Variants in PKNOX2 observed in about 807,000 individuals in gnomAD.
The protein encoded by PKNOX2 is PBX/knotted 1 homeobox 2.
A neutral mutation model predicts 53.1 loss-of-function variants in PKNOX2; 14 were observed. That is an observed-to-expected ratio of 0.26 (90% CI 0.17 to 0.41). The LOEUF (loss-of-function observed/expected upper bound fraction) is 0.41, where lower values mean the gene tolerates loss of function less well. Among genes scored for constraint, PKNOX2 ranks in the 10% least tolerant of loss-of-function variants. The pLI is 1.00. For missense variants in PKNOX2, 496 were observed against 602.8 expected, an observed-to-expected ratio of 0.82 and a Z score of 1.85; for synonymous variants, 257 against 242.8, an observed-to-expected ratio of 1.06 and a Z score of -0.54.
intron 3 of PKNOX2, among the ~76,000 whole-genome samples, chr11:125,338,470 TGGGG>T (rs1950530331): frequency 6.6e-6 from 1 of 152,166 alleles, no homozygotes; most frequent in African/African-American, 2.4e-5. Flanking sequence ...CTTGTGCCCT[TGGGG>T]AGTCATCTTA....
intron 1 of PKNOX2, among the ~76,000 whole-genome samples, chr11:125,222,222 T>G (rs371821669): frequency 1.3e-5 from 2 of 152,182 alleles, no homozygotes; most frequent in Non-Finnish European, 1.5e-5. Flanking sequence ...GATGGGTCTT[T>G]CCTCATCCTG....
At chr11:125,377,642 C>G (rs1201046181) in intron 5 of PKNOX2, among the ~76,000 whole-genome samples, 11 of 152,184 alleles carry the variant, frequency 7.2e-5, no homozygotes, top group Non-Finnish European at 2.9e-5. Context: ...TCTGCTGAGT[C>G]CTTTTACAGG....
intron 7 of PKNOX2, among the ~76,000 whole-genome samples, chr11:125,398,277 T>G (rs141751785): frequency 4.6e-5 from 7 of 152,324 alleles, no homozygotes; most frequent in African/African-American, 1.4e-4. Context: ...GCATTAGTAT[T>G]CCCTTGAAAA....
chr11:125,193,087 G>T (rs905284607), intron 1 of PKNOX2, among the ~76,000 whole-genome samples: 1 of 152,180 alleles, frequency 6.6e-6, no homozygotes, highest in African/African-American at 2.4e-5. Context: ...GACCTGTCTC[G>T]CTAGATAGAT....
At chr11:125,269,593 C>G (rs568598540) in intron 2 of PKNOX2, among the ~76,000 whole-genome samples, 12 of 152,298 alleles carry the variant, frequency 7.9e-5, no homozygotes, top group Non-Finnish European at 1.3e-4. Flanking sequence ...CTTGGACTCT[C>G]AGCTGTTTCT....
At chr11:125,276,235 C>T (rs983708619) in intron 2 of PKNOX2, among the ~76,000 whole-genome samples, 4 of 151,898 alleles carry the variant, frequency 2.6e-5, no homozygotes, top group African/African-American at 4.8e-5. Context: ...CTGATTGGGG[C>T]AGGTTGAGGA....
intron 1 of PKNOX2, among the ~76,000 whole-genome samples, chr11:125,211,674 C>A (rs1212739764): frequency 6.6e-6 from 1 of 152,096 alleles, no homozygotes; most frequent in Non-Finnish European, 1.5e-5. Context: ...AGCTCAGGCC[C>A]AGCTGCCCAG....
chr11:125,301,009 G>C (rs1009475448), intron 2 of PKNOX2, among the ~76,000 whole-genome samples: 1 of 152,098 alleles, frequency 6.6e-6, no homozygotes, highest in Non-Finnish European at 1.5e-5. Flanking sequence ...CTCTATCCTC[G>C]TCCCCTCCTC....
chr11:125,296,067 C>T (rs758367608), intron 2 of PKNOX2, among the ~76,000 whole-genome samples: 13 of 152,166 alleles, frequency 8.5e-5, no homozygotes, highest in South Asian at 2.1e-4. Flanking sequence ...TCAGAAACCT[C>T]GCCAGACTCA....
At chr11:125,204,606 C>T (rs652445) in intron 1 of PKNOX2, among the ~76,000 whole-genome samples, 72,897 of 152,040 alleles carry the variant, frequency 0.48, 17,943 homozygotes, top group Middle Eastern at 0.55. Context: ...AAGTCGATGG[C>T]TCTAATTCCA....
chr11:125,244,416 C>A (rs979507299), intron 2 of PKNOX2, among the ~76,000 whole-genome samples: 3 of 152,172 alleles, frequency 2.0e-5, no homozygotes, highest in African/African-American at 4.8e-5. Flanking sequence ...TATCCCCAAC[C>A]CTTCCAGATC....
intron 2 of PKNOX2, among the ~76,000 whole-genome samples, chr11:125,315,328 A>AAAAAAAAAAAAAAAC (rs1201379428): frequency 2.3e-4 from 33 of 144,840 alleles, no homozygotes; most frequent in African/African-American, 8.8e-4. Context: ...AAAAAAAAAA[A>AAAAAAAAAAAAAAAC]CACCTCTCTC....
chr11:125,202,434 C>G (rs1424180335), intron 1 of PKNOX2, among the ~76,000 whole-genome samples: 1 of 152,228 alleles, frequency 6.6e-6, no homozygotes, highest in Admixed American at 6.5e-5. Context: ...CCTCTCCCCT[C>G]AGACCCCATA....
chr11:125,200,819 T>C (rs1333944590), intron 1 of PKNOX2, among the ~76,000 whole-genome samples: 2 of 152,212 alleles, frequency 1.3e-5, no homozygotes, highest in East Asian at 3.8e-4. Flanking sequence ...GAGGAACGGT[T>C]AAGCAACTGA....
At chr11:125,355,088 G>A (rs1009200737) in intron 4 of PKNOX2, among the ~76,000 whole-genome samples, 6 of 152,032 alleles carry the variant, frequency 3.9e-5, no homozygotes, top group Non-Finnish European at 8.8e-5. Context: ...CCAACACGGT[G>A]AAACTCTGTC....
At chr11:125,288,549 C>T (rs1947070828) in intron 2 of PKNOX2, among the ~76,000 whole-genome samples, 3 of 152,350 alleles carry the variant, frequency 2.0e-5, no homozygotes, top group East Asian at 1.9e-4. Context: ...CATGGCCCAT[C>T]GGCCCTGCAA....
chr11:125,348,404 T>G (rs1951109532), intron 3 of PKNOX2, among the ~76,000 whole-genome samples: 1 of 152,228 alleles, frequency 6.6e-6, no homozygotes, highest in Non-Finnish European at 1.5e-5. Context: ...CCTGTTCTCT[T>G]GCAGGAGAAG....
In PKNOX2 at chr11:125,411,871, T is replaced by C. The variant is rs1163977933; in HGVS notation, c.936+6T>C. The C allele has an allele frequency of 6.2e-7, 1 of 1,613,554 alleles. No individual in the cohort carries two copies. Among genetic ancestry groups the C allele is most frequent in the Non-Finnish European group, 8.5e-7 (1 of 1,179,822 alleles). Reference sequence around the variant, plus strand: ...GGCTCTTCCAGCATCTCATGGTGAGTGTGTGTGTCTTGGGGGTGTGGAGTC... The same window carrying C: ...GGCTCTTCCAGCATCTCATGGTGAGCGTGTGTGTCTTGGGGGTGTGGAGTC... On this transcript the variant is annotated splice_donor_region_variant and intron_variant, in intron 10 of 12. Transcript: ENST00000298282.
chr11:125,323,863 G>T (rs908845879), intron 2 of PKNOX2, among the ~76,000 whole-genome samples: 1 of 152,106 alleles, frequency 6.6e-6, no homozygotes, highest in Admixed American at 6.5e-5. Context: ...GGTTGTGTGT[G>T]TGTGTGTGTG....
Sources: allele counts gnomAD v4.1 joint callset (sites outside exome capture counted in the v4.1 genomes callset), GRCh38; gene constraint gnomAD v4.1.1; transcripts MANE v1.5; gene names NCBI Gene and HGNC (gene_info 2026-07-23, HGNC 2026-07-21).